The following MMP26 variants were observed in gnomAD, a reference collection of about 807,000 sequenced individuals.
The protein encoded by MMP26 is matrix metalloproteinase-26.
MMP26 carries 33 observed loss-of-function variants against 31.0 expected under a neutral mutation model. That is an observed-to-expected ratio of 1.06 (90% CI 0.81 to 1.42). The LOEUF (loss-of-function observed/expected upper bound fraction) is 1.42. Ranked by LOEUF, MMP26 falls within the 40% of genes most tolerant of loss-of-function variation. The probability of loss-of-function intolerance (pLI) is 0.00; values close to 1 mark genes in which losing one functional copy is unlikely to be tolerated. For missense variants in MMP26, 347 were observed against 316.1 expected (o/e 1.10, Z -0.74); for synonymous variants, 122 against 114.9 (o/e 1.06, Z -0.40).
At chr11:4,878,056 A>G (rs1850408462) in intron 2 of MMP26, 1 of 152,174 alleles carries the variant, frequency 6.6e-6, no homozygotes, top group African/African-American at 2.4e-5. Context: ...ACAGAAGGCA[A>G]ACATTGACTG....
At chr11:4,787,325 GT>G (rs1848961499) in intron 2 of MMP26, 1 of 152,220 alleles carries the variant, frequency 6.6e-6, no homozygotes, top group Non-Finnish European at 1.5e-5. Context: ...AAAGTTGCAT[GT>G]TCTGATTCAA....
At chr11:4,800,399 G>A (rs938339429) in intron 2 of MMP26, among the ~76,000 whole-genome samples, 1 of 152,210 alleles carries the variant, frequency 6.6e-6, no homozygotes, top group Non-Finnish European at 1.5e-5. Context: ...AGCCATGGTT[G>A]TAGCTGGAGC....
chr11:4,766,787 T>G (rs7115878), intron 1 of MMP26, among the ~76,000 whole-genome samples: 1 of 146,404 alleles, frequency 6.8e-6, no homozygotes, highest in Non-Finnish European at 1.5e-5. Context: ...TCTCTCTCTC[T>G]TTCTCTATGA....
In MMP26 at chr11:4,831,265, G is replaced by A. The variant is rs116510158; in HGVS notation, c.-145+63924G>A. On this transcript the variant is annotated intron_variant, in intron 2 of 7. Transcript: ENST00000380390. ...CCTCTCTGCACCTCTTGCTGCCACT[G>A]GCCATCTAAGTCATGAGAGCTGGGT... Among the ~76,000 whole-genome samples, 542 of 152,218 alleles carry A rather than the reference G, an allele frequency of 3.6e-3. 4 individuals are homozygous for A. Among genetic ancestry groups the A allele is most frequent in the African/African-American group, 0.01 (431 of 41,528 alleles).
intron 2 of MMP26, among the ~76,000 whole-genome samples, chr11:4,887,633 G>A (rs1011711748): frequency 1.3e-5 from 2 of 152,014 alleles, no homozygotes; most frequent in Non-Finnish European, 2.9e-5. Context: ...TGTTTGATGT[G>A]CTTGTAATTT....
At chr11:4,925,067 G>A (rs1004542494) in intron 2 of MMP26, among the ~76,000 whole-genome samples, 8 of 152,202 alleles carry the variant, frequency 5.3e-5, no homozygotes, top group Admixed American at 3.9e-4. Flanking sequence ...TTGTGAGCCT[G>A]TTAATTTGTA....
At position 4,875,508 on chromosome 11, in the gene MMP26, T is replaced by C. The variant is rs1850367674; in HGVS notation, c.-145+108167T>C. ...ATTTTCTGGAGACTTAGGGGAAAAT[T>C]CTGTTCACTTACCTTTTCCATCTTC... On this transcript the variant is annotated intron_variant, in intron 2 of 7. Transcript: ENST00000380390. 2.0e-5 allele frequency: 3 copies of C among 152,198 alleles called. No homozygotes were observed. In the South Asian group the frequency reaches 6.2e-4, roughly 32 times the overall value. The allele number at this position is 152,198 out of a possible 1,614,324, so 9.4% of individuals were successfully genotyped here. A position where few individuals can be genotyped will look rare whatever the true frequency, so the allele number is the denominator to read the frequency against.
chr11:4,840,108 A>C (rs1449934385), intron 2 of MMP26, among the ~76,000 whole-genome samples: 13 of 151,894 alleles, frequency 8.6e-5, no homozygotes, highest in East Asian at 7.8e-4. Context: ...AAGTGGAGGG[A>C]GAGTGGGAAG....
At chr11:4,969,349 T>C (rs570513214) in intron 2 of MMP26, among the ~76,000 whole-genome samples, 6 of 152,014 alleles carry the variant, frequency 3.9e-5, no homozygotes, top group Non-Finnish European at 8.8e-5. Context: ...TACTAGTTTA[T>C]CTTATTAGAA....
At chr11:4,943,849 A>G in intron 2 of MMP26, 1 of 450,396 alleles carries the variant, frequency 2.2e-6, no homozygotes, top group Non-Finnish European at 4.5e-6. Flanking sequence ...ATTTCATTTT[A>G]TTAAGACTGT....
intron 2 of MMP26, among the ~76,000 whole-genome samples, chr11:4,867,012 C>T (rs1173699441): frequency 6.6e-6 from 1 of 152,070 alleles, no homozygotes; most frequent in Non-Finnish European, 1.5e-5. Flanking sequence ...CCATTCAGGT[C>T]ATAGGCATGA....
chr11:4,841,914 C>A (rs1224334525), intron 2 of MMP26, among the ~76,000 whole-genome samples: 1 of 152,114 alleles, frequency 6.6e-6, no homozygotes, highest in African/African-American at 2.4e-5. Flanking sequence ...GCCTGGGCAA[C>A]AAGAGCAAAA....
chr11:4,892,864 T>G (rs989462111), intron 2 of MMP26, among the ~76,000 whole-genome samples: 1 of 152,200 alleles, frequency 6.6e-6, no homozygotes, highest in African/African-American at 2.4e-5. Context: ...ATGAATCTCA[T>G]GTTGATTCAT....
intron 2 of MMP26, among the ~76,000 whole-genome samples, chr11:4,899,503 T>C (rs2133557142): frequency 6.6e-6 from 1 of 152,308 alleles, no homozygotes; most frequent in South Asian, 2.1e-4. Context: ...AACCAGATCC[T>C]TTTTTCAAAG....
intron 2 of MMP26, among the ~76,000 whole-genome samples, chr11:4,844,409 C>G (rs548286791): frequency 6.6e-6 from 1 of 152,102 alleles, no homozygotes; most frequent in Admixed American, 6.5e-5. Context: ...CTTCCACACT[C>G]ATTCTATGAG....
chr11:4,945,228 T>A (rs1371968189), intron 2 of MMP26: 1 of 151,928 alleles, frequency 6.6e-6, no homozygotes. Flanking sequence ...TATGAGGAAA[T>A]TAAGCCAAAA....
intron 2 of MMP26, chr11:4,821,731 T>A (rs1271371125): frequency 6.2e-7 from 1 of 1,614,060 alleles, no homozygotes; most frequent in Non-Finnish European, 8.5e-7. Context: ...TGCCCAGATG[T>A]TCTTTCTACA....
At chr11:4,821,078 T>C (rs553262751) in intron 2 of MMP26, among the ~76,000 whole-genome samples, 2 of 152,298 alleles carry the variant, frequency 1.3e-5, no homozygotes, top group Admixed American at 6.5e-5. Context: ...AAAGCAGGTT[T>C]CTCATAATAT....
chr11:4,786,000 T>C (rs944786792), intron 2 of MMP26, among the ~76,000 whole-genome samples: 1 of 152,190 alleles, frequency 6.6e-6, no homozygotes, highest in Admixed American at 6.5e-5. Flanking sequence ...GCTTTATTTA[T>C]TTATTTTTTC....
Sources: gnomAD v4.1 joint callset for allele counts (sites outside exome capture counted in the v4.1 genomes callset) on GRCh38, gnomAD v4.1.1 for gene constraint, MANE v1.5 for transcripts, NCBI Gene and HGNC (gene_info 2026-07-23, HGNC 2026-07-21) for gene names.